ROS1: variants seen among roughly 807,000 people sequenced by gnomAD.
The protein encoded by ROS1 is proto-oncogene tyrosine-protein kinase ROS.
In ROS1, 263 loss-of-function variants were observed where a neutral mutation model predicts 273.5. The observed-to-expected ratio is 0.96, with a 90% confidence interval of 0.87 to 1.06. The LOEUF (loss-of-function observed/expected upper bound fraction) is 1.06. ROS1 is among the 50% of genes least tolerant of loss of function. The probability of loss-of-function intolerance (pLI) is 0.00; values close to 1 mark genes in which losing one functional copy is unlikely to be tolerated. For missense variants in ROS1, 2,833 were observed against 2,751.1 expected, an observed-to-expected ratio of 1.03 and a Z score of -0.67; for synonymous variants, 1,008 against 954.1, an observed-to-expected ratio of 1.06 and a Z score of -1.04.
At chr6:117,416,388 C>T in intron 2 of ROS1, 71 bp from the exon 3 acceptor site, 1 of 989,058 alleles carries the variant, frequency 1.0e-6, no homozygotes, top group Non-Finnish European at 1.6e-6. Flanking sequence ...CCTGAAAGTA[C>T]AATGTAGTAA....
intron 39 of ROS1, among the ~76,000 whole-genome samples, chr6:117,311,556 A>T (rs957864391): frequency 6.6e-6 from 1 of 152,142 alleles, no homozygotes; most frequent in Non-Finnish European, 1.5e-5. Context: ...CAGGCACTTA[A>T]TAAACAGTTG....
At chr6:117,306,723 C>T (rs1343091351) in intron 42 of ROS1, among the ~76,000 whole-genome samples, 1 of 152,106 alleles carries the variant, frequency 6.6e-6, no homozygotes, top group Non-Finnish European at 1.5e-5. Flanking sequence ...CAGAAAACTG[C>T]TTCAAATAAA....
intron 10 of ROS1, 29 bp from the exon 11 acceptor site, chr6:117,394,375 T>G: frequency 6.7e-7 from 1 of 1,502,458 alleles, no homozygotes; most frequent in Non-Finnish European, 8.8e-7. Context: ...TGCACACACA[T>G]TATTATATAA....
Position 117,357,944 on chromosome 6 carries a change from G to C in ROS1, c.3699C>G (p.Leu1233=). Residue 1233 remains leucine (L), a synonymous_variant, in exon 25 of 44, where the codon CTC becomes CTG. Coordinates refer to ENST00000368507, the MANE Select transcript of ROS1 (RefSeq NM_001378902.1). ...VITIDWISRH[L]YFALKESQNG... ...TTTGTGATTCTTTCAGTGCAAAGTA[G>C]AGGTGCCTTGAAATCCAGTCAATTG... The C allele has an allele frequency of 6.2e-7, 1 of 1,613,626 alleles. No homozygotes were observed. Among genetic ancestry groups the C allele is most frequent in the Non-Finnish European group, 8.5e-7 (1 of 1,179,710 alleles).
intron 5 of ROS1, among the ~76,000 whole-genome samples, chr6:117,408,538 G>A (rs149743501): frequency 1.2e-4 from 18 of 152,238 alleles, no homozygotes; most frequent in East Asian, 1.2e-3. Context: ...CAGTTAGAAC[G>A]GCGTTCATTA....
intron 36 of ROS1, 26 bp downstream of exon 36, chr6:117,321,233 C>G (rs1282566044): frequency 6.2e-7 from 1 of 1,606,752 alleles, no homozygotes; most frequent in East Asian, 2.2e-5. Context: ...CCTAGGTGCT[C>G]CATAATGATG....
intron 34 of ROS1, among the ~76,000 whole-genome samples, chr6:117,324,688 C>T (rs906176839): frequency 3.3e-5 from 5 of 152,062 alleles, no homozygotes; most frequent in Non-Finnish European, 7.4e-5. Flanking sequence ...ACTTAGGAAA[C>T]ATATATATCT....
chr6:117,332,010 G>C (rs1169946623), intron 32 of ROS1, among the ~76,000 whole-genome samples: 1 of 152,024 alleles, frequency 6.6e-6, no homozygotes, highest in Non-Finnish European at 1.5e-5. Flanking sequence ...AAATGTAAAG[G>C]GGCTAAATGC....
At chr6:117,396,318 G>T in intron 8 of ROS1, 54 bp from the exon 9 acceptor site, 1 of 1,242,358 alleles carries the variant, frequency 8.0e-7, no homozygotes, top group African/African-American at 1.5e-5. Context: ...GTGTGAACAT[G>T]AGATAAAAAT....
intron 36 of ROS1, among the ~76,000 whole-genome samples, chr6:117,320,547 A>G (rs956492838): frequency 2.0e-5 from 3 of 152,146 alleles, no homozygotes; most frequent in African/African-American, 4.8e-5. Flanking sequence ...ACAAGGGGGG[A>G]AAATGCTGCT....
At chr6:117,396,525 G>A (rs1773502227) in intron 8 of ROS1, among the ~76,000 whole-genome samples, 1 of 151,976 alleles carries the variant, frequency 6.6e-6, no homozygotes, top group Non-Finnish European at 1.5e-5. Flanking sequence ...AATTTAAAGA[G>A]GCTCTAGTAA....
intron 7 of ROS1, among the ~76,000 whole-genome samples, chr6:117,399,996 C>A (rs1773812037): frequency 6.6e-6 from 1 of 152,176 alleles, no homozygotes; most frequent in East Asian, 1.9e-4. Flanking sequence ...GTACAAACTC[C>A]TTACCCAGGA....
rs2128628924 is a variant in ROS1 at position 117,346,207 on chromosome 6, A to T, written c.4304-1945T>A. On this transcript the variant is annotated intron_variant, in intron 27 of 43. Transcript: ENST00000368507. ...TAATTGATATAATATGACATGTTGA[A>T]GTGTCAGAAACATTATTCAGGACAG... Among the ~76,000 whole-genome samples, 3 of 152,294 alleles carry T rather than the reference A, an allele frequency of 2.0e-5. No individual in the cohort carries two copies. The Middle Eastern group carries it at 0.01, about 518-fold the overall frequency.
intron 43 of ROS1, among the ~76,000 whole-genome samples, chr6:117,300,086 C>CTTTTTTTTTTT (rs10700318): frequency 1.0e-3 from 32 of 31,832 alleles, no homozygotes; most frequent in Non-Finnish European, 1.3e-3. Context: ...CCAGGACAGG[C>CTTTTTTTTTTT]TTTTTTTTTT....
intron 27 of ROS1, among the ~76,000 whole-genome samples, chr6:117,352,105 G>A (rs544845099): frequency 7.9e-5 from 12 of 152,234 alleles, no homozygotes; most frequent in Non-Finnish European, 1.0e-4. Context: ...GTTTTCAGAC[G>A]AGTCTCGCTC....
intron 7 of ROS1, among the ~76,000 whole-genome samples, chr6:117,400,760 C>T (rs1422932262): frequency 6.6e-6 from 1 of 152,194 alleles, no homozygotes; most frequent in Non-Finnish European, 1.5e-5. Flanking sequence ...CTTGGGCTGA[C>T]ACCTTGACCT....
At chr6:117,343,054 A>G (rs1229748257) in intron 28 of ROS1, among the ~76,000 whole-genome samples, 1 of 151,168 alleles carries the variant, frequency 6.6e-6, no homozygotes, top group Admixed American at 6.6e-5. Context: ...TGATTGAGTT[A>G]TCTGGGGTGA....
rs772575534 is a variant in ROS1, at chr6:117,356,841, T to A, written c.3914A>T (p.His1305Leu). The change falls in exon 26 of 44, where the codon CAC becomes CTC. Residue 1305 changes from histidine to leucine, a missense_variant. Physicochemically the swap from His to Leu is moderately conservative, Grantham distance 99. Transcript: ENST00000368507. ...TGTAGCTGTGGGTTGCAGAATTCGG[T>A]GCAAGGTGTGACTGATAATACTGTA... ...FYYSIISHTL[H>L]RILQPTATNQ... 3 of 1,614,040 alleles carry A rather than the reference T, an allele frequency of 1.9e-6. No homozygotes were observed. The highest frequency in any genetic ancestry group is 2.5e-6 in the Non-Finnish European group (3 of 1,180,032).
chr6:117,363,429 C>T (rs886976346), intron 21 of ROS1, among the ~76,000 whole-genome samples: 4 of 152,136 alleles, frequency 2.6e-5, no homozygotes, highest in African/African-American at 7.2e-5. Flanking sequence ...CCAAACCAAG[C>T]AATTCAGTAT....
Sources: allele counts gnomAD v4.1 joint callset (sites outside exome capture counted in the v4.1 genomes callset), GRCh38; gene constraint gnomAD v4.1.1; transcripts MANE v1.5; gene names NCBI Gene and HGNC (gene_info 2026-07-23, HGNC 2026-07-21).